Variants in IQCE observed in about 807,000 individuals in gnomAD.
IQCE encodes IQ domain-containing protein E.
IQCE carries 115 observed loss-of-function variants against 96.0 expected under a neutral mutation model. The ratio of observed to expected loss-of-function variants is 1.20; its 90% CI spans 1.03 to 1.40. IQCE has a LOEUF of 1.40. IQCE is among the 40% of genes most tolerant of loss of function. The pLI is 0.00. For synonymous variants in IQCE, 412 were observed against 371.2 expected (o/e 1.11, Z -1.26); for missense variants, 1,041 against 909.1 (o/e 1.15, Z -1.87).
intron 16 of IQCE, among the ~76,000 whole-genome samples, chr7:2,596,065 G>A (rs1784014197): frequency 6.6e-6 from 1 of 152,192 alleles, no homozygotes; most frequent in African/African-American, 2.4e-5. Flanking sequence ...AAGGAACTTG[G>A]TGTCACCATC....
chr7:2,597,048 G>T (rs962045984), intron 16 of IQCE: 5 of 471,222 alleles, frequency 1.1e-5, no homozygotes, highest in African/African-American at 8.0e-5. Flanking sequence ...GCAAGGCCAC[G>T]CAGGAGCGGC....
At position 2,611,867 on chromosome 7, in the gene IQCE, CTT is replaced by C. The variant is rs1301816943; in HGVS notation, c.*1706_*1707del. On this transcript the variant is annotated 3_prime_UTR_variant, in exon 22 of 22. Transcript: ENST00000402050. ...TTTTTTCCACTGAACTGGCTGGTAA[CTT>C]GATGGACTGTGTAACTGACACAGGC... The C allele has an allele frequency of 2.0e-5, 3 of 152,232 alleles. No homozygotes were observed. In the East Asian group the frequency reaches 5.8e-4, roughly 29 times the overall value. The allele number at this position is 152,232 out of a possible 1,614,324, so 9.4% of individuals were successfully genotyped here.
At chr7:2,591,205 A>G (rs530179994) in intron 14 of IQCE, among the ~76,000 whole-genome samples, 2 of 152,080 alleles carry the variant, frequency 1.3e-5, no homozygotes, top group South Asian at 4.1e-4. Flanking sequence ...GTGAGCTATA[A>G]TCGTACCACT....
At chr7:2,568,099 C>T (rs1781512698) in intron 2 of IQCE, among the ~76,000 whole-genome samples, 1 of 152,182 alleles carries the variant, frequency 6.6e-6, no homozygotes, top group African/African-American at 2.4e-5. Context: ...CAGGCCACGG[C>T]ACGACGGGTT....
intron 6 of IQCE, 146 bp from the exon 7 acceptor site, chr7:2,578,096 G>T: frequency 1.6e-6 from 1 of 616,988 alleles, no homozygotes; most frequent in Non-Finnish European, 2.9e-6. Context: ...CGGCGTGCGC[G>T]CAGTGGCGTG....
intron 5 of IQCE, 124 bp downstream of exon 5, chr7:2,572,450 G>A (rs1781825805): frequency 9.9e-7 from 1 of 1,011,572 alleles, no homozygotes; most frequent in Non-Finnish European, 1.4e-6. Flanking sequence ...CTCCGTCACT[G>A]GGAGGTTTTG....
chr7:2,567,259 T>C (rs1781449744), intron 2 of IQCE, 96 bp downstream of exon 2: 1 of 950,630 alleles, frequency 1.1e-6, no homozygotes, highest in African/African-American at 1.6e-5. Context: ...TTCTCCACAA[T>C]ACTGTGTCGA....
At chr7:2,609,902 C>T in intron 21 of IQCE, 142 bp from the exon 22 acceptor site, 6 of 617,296 alleles carry the variant, frequency 9.7e-6, no homozygotes, top group Admixed American at 8.4e-5. Flanking sequence ...CTCCTGAGGG[C>T]CTGTGTGCCC....
chr7:2,580,304 A>T (rs1330376048), intron 8 of IQCE: 1 of 152,042 alleles, frequency 6.6e-6, no homozygotes, highest in Non-Finnish European at 1.5e-5. Flanking sequence ...AAAAAAAAAA[A>T]AAAAGATTTT....
chr7:2,596,373 C>T (rs1784040621), intron 16 of IQCE, among the ~76,000 whole-genome samples: 1 of 149,304 alleles, frequency 6.7e-6, no homozygotes, highest in Admixed American at 6.7e-5. Context: ...GAAATACAGC[C>T]TTTTCTGTGT....
In IQCE at chr7:2,588,514, C is replaced by T. The variant is rs577542426; in HGVS notation, c.1044+637C>T. Among the ~76,000 whole-genome samples the T allele has an allele frequency of 1.5e-4, 22 of 151,638 alleles. No individual in the cohort carries two copies. In the South Asian group the frequency reaches 2.1e-3, roughly 14 times the overall value. On this transcript the variant is annotated intron_variant, in intron 13 of 21. Coordinates refer to ENST00000402050, the MANE Select transcript of IQCE (RefSeq NM_152558.5). The stretch of plus-strand genomic sequence containing the variant: ...GACTACAGGTGCCCACCACCACACC[C>T]GGGTAATTTTTTGTATTTTTAGTAG...
chr7:2,571,539 C>T lies in IQCE; in HGVS notation c.144C>T (p.Leu48=). The change falls in exon 4 of 22, where the codon CTC becomes CTT. Residue 48 remains leucine, a synonymous_variant. Coordinates refer to ENST00000402050, the MANE Select transcript of IQCE (RefSeq NM_152558.5). ...TGGCTTTTCCAGAGTCACCTTATCTCTCTAAGCCGAGAAAAGTGGCCTCCT... is the reference window on the plus strand; with the variant it reads ...TGGCTTTTCCAGAGTCACCTTATCTTTCTAAGCCGAGAAAAGTGGCCTCCT... ...PPPTSPKSPY[L]SKPRKVASWR... 1 of 1,606,508 alleles carries T rather than the reference C, an allele frequency of 6.2e-7. No individual in the cohort carries two copies. The highest frequency in any genetic ancestry group is 8.5e-7 in the Non-Finnish European group (1 of 1,179,984).
chr7:2,582,176 C>T lies in IQCE; in HGVS notation c.631-404C>T, dbSNP rs1029273405. 33 of 418,918 alleles carry T rather than the reference C, an allele frequency of 7.9e-5. 1 individual carries two copies. The highest frequency in any genetic ancestry group is 5.8e-4 in the South Asian group (31 of 53,454). The allele number at this position is 418,918 out of a possible 1,614,324, so 26.0% of individuals were successfully genotyped here. On this transcript the variant is annotated intron_variant, in intron 8 of 21. Transcript: ENST00000402050. ...CTGTCTCCCACCCTCACTCACTGCC[C>T]CATGGAGACTGAACTGGGCGGCCCT...
rs1785194126 is a variant in IQCE, at chr7:2,613,756, T to C, written c.*3594T>C. ...CAGCCAGGCTCCGTGCGGACTGTGA[T>C]GCCAGAGAGGCGTGCAGCCTCTGGG... On this transcript the variant is annotated 3_prime_UTR_variant, in exon 22 of 22. Transcript: ENST00000402050. 1 of 152,304 alleles carries C rather than the reference T, an allele frequency of 6.6e-6. No homozygotes were observed. The highest frequency in any genetic ancestry group is 2.4e-5 in the African/African-American group (1 of 41,458). The allele number at this position is 152,304 out of a possible 1,614,324, so 9.4% of individuals were successfully genotyped here. A position where few individuals can be genotyped will look rare whatever the true frequency, so the allele number is the denominator to read the frequency against.
At chr7:2,576,601 G>A (rs1038802539) in intron 6 of IQCE, among the ~76,000 whole-genome samples, 1 of 151,892 alleles carries the variant, frequency 6.6e-6, no homozygotes. Context: ...GGGTTTCACC[G>A]TGCTGGCCAG....
At chr7:2,567,224 G>T in intron 2 of IQCE, 61 bp downstream of exon 2, 1 of 1,310,176 alleles carries the variant, frequency 7.6e-7, no homozygotes, top group Non-Finnish European at 1.1e-6. Context: ...CTTGCAGACT[G>T]CACTCGGAAG....
intron 16 of IQCE, 129 bp from the exon 17 acceptor site, chr7:2,598,336 C>T: frequency 1.1e-6 from 1 of 878,714 alleles, no homozygotes; most frequent in Non-Finnish European, 1.7e-6. Flanking sequence ...ACAGCTCTCT[C>T]CTCCACATTA....
chr7:2,568,492 TCACAGGAGAC>T (rs1781539849), intron 2 of IQCE, among the ~76,000 whole-genome samples: 2 of 152,214 alleles, frequency 1.3e-5, no homozygotes, highest in Admixed American at 1.3e-4. Context: ...ATCGTGGTTG[TCACAGGAGAC>T]CACCTTCCAG....
In IQCE at chr7:2,595,183, C is replaced by T. The variant is rs559045505; in HGVS notation, c.1440+207C>T. ...ATTGACTGTCAGCAAATTGACTTCT[C>T]GAACTGATATTTGAGTCTCAAGGCT... On this transcript the variant is annotated intron_variant, in intron 16 of 21. Coordinates refer to ENST00000402050, the MANE Select transcript of IQCE (RefSeq NM_152558.5). Among the ~76,000 whole-genome samples, 10 of 152,286 alleles carry T rather than the reference C, an allele frequency of 6.6e-5. No individual in the cohort carries two copies. In the South Asian group the frequency reaches 1.7e-3, roughly 25 times the overall value.
Sources: allele counts gnomAD v4.1 joint callset (sites outside exome capture counted in the v4.1 genomes callset), GRCh38; gene constraint gnomAD v4.1.1; transcripts MANE v1.5; gene names NCBI Gene and HGNC (gene_info 2026-07-23, HGNC 2026-07-21).